PRAG1: variants seen among roughly 807,000 people sequenced by gnomAD.
The protein encoded by PRAG1 is PEAK1 related, kinase-activating pseudokinase 1.
In PRAG1, 110 loss-of-function variants were observed where a neutral mutation model predicts 95.6. The ratio of observed to expected loss-of-function variants is 1.15; its 90% CI spans 0.99 to 1.35. The LOEUF (loss-of-function observed/expected upper bound fraction) is 1.35. PRAG1 is among the 40% of genes most tolerant of loss of function. The probability of loss-of-function intolerance (pLI) is 0.00; values close to 1 mark genes in which losing one functional copy is unlikely to be tolerated. For missense variants in PRAG1, 2,554 were observed against 1,864.7 expected (o/e 1.37, Z -6.81); for synonymous variants, 1,052 against 819.4 (o/e 1.28, Z -4.85).
intron 4 of PRAG1, among the ~76,000 whole-genome samples, chr8:8,330,991 C>A (rs1798802388): frequency 6.6e-6 from 1 of 152,208 alleles, no homozygotes; most frequent in South Asian, 2.1e-4. Flanking sequence ...CACTTCCTGA[C>A]CTTTCTGCAT....
chr8:8,351,692 T>C (rs1261315519), intron 3 of PRAG1, among the ~76,000 whole-genome samples: 1 of 152,198 alleles, frequency 6.6e-6, no homozygotes, highest in Non-Finnish European at 1.5e-5. Context: ...ATTCCTCAGC[T>C]AATCAGGTTG....
Position 8,381,430 on chromosome 8 carries a change from G to A in PRAG1, c.318C>T (p.Ala106=), listed in dbSNP as rs370861925. ...SDVWTEANLS[A]EVSQVIWRRA... is the part of the protein sequence containing the mutation. The stretch of plus-strand genomic sequence containing the variant: ...TAGTCAGCCTCACCTGCGAGACTTC[G>A]GCACTCAGGTTGGCCTCTGTCCACA... The change falls in exon 2 of 6, where the codon GCC becomes GCT. Residue 106 remains alanine (A), a synonymous_variant. Transcript: ENST00000615670. 1.2e-5 allele frequency: 20 copies of A among 1,604,408 alleles called. No individual in the cohort carries two copies. Among genetic ancestry groups the A allele is most frequent in the South Asian group, 5.5e-5 (5 of 90,848 alleles).
At chr8:8,345,818 T>C (rs1047249096) in intron 3 of PRAG1, among the ~76,000 whole-genome samples, 6 of 152,002 alleles carry the variant, frequency 3.9e-5, no homozygotes, top group African/African-American at 1.4e-4. Context: ...AATAAAACCT[T>C]AGGACTGATG....
intron 3 of PRAG1, among the ~76,000 whole-genome samples, chr8:8,370,143 C>G (rs1201355408): frequency 1.3e-5 from 2 of 152,200 alleles, no homozygotes; most frequent in African/African-American, 4.8e-5. Flanking sequence ...ATACTGCTGT[C>G]AAATCAGTAA....
intron 3 of PRAG1, among the ~76,000 whole-genome samples, chr8:8,360,282 G>A (rs1311698245): frequency 1.3e-5 from 2 of 152,098 alleles, no homozygotes; most frequent in Admixed American, 6.5e-5. Flanking sequence ...TGCCCTCCCT[G>A]TCTTCCAAGC....
chr8:8,369,817 G>C (rs533378714), intron 3 of PRAG1, among the ~76,000 whole-genome samples: 1 of 151,164 alleles, frequency 6.6e-6, no homozygotes, highest in African/African-American at 2.4e-5. Flanking sequence ...GCTTACCTTT[G>C]TGTTCCCTAA....
Position 8,336,913 on chromosome 8 carries a change from C to G in PRAG1, c.2320+2565G>C, listed in dbSNP as rs866437388. ...CTCCCCTCCCCACACCCCTTTCCCC[C>G]CTCCCCCCACCTCCGACATAAAGCA... On this transcript the variant is annotated intron_variant, in intron 4 of 5. Coordinates refer to ENST00000615670, the MANE Select transcript of PRAG1 (RefSeq NM_001080826.3). 6.8e-3 allele frequency among the ~76,000 whole-genome samples: 625 copies of G among 91,684 alleles called. 39 individuals carry two copies. Among genetic ancestry groups the G allele is most frequent in the African/African-American group, 0.018 (400 of 22,198 alleles). 60.1% of individuals were successfully genotyped at this position (91,684 alleles called of 152,430 possible). A position where few individuals can be genotyped will look rare whatever the true frequency, so the allele number is the denominator to read the frequency against.
intron 1 of PRAG1, among the ~76,000 whole-genome samples, chr8:8,385,207 A>T (rs1800808711): frequency 6.6e-6 from 1 of 152,208 alleles, no homozygotes; most frequent in Non-Finnish European, 1.5e-5. Context: ...ATATGTGTGG[A>T]AAGTGTCTGA....
rs116834952 is a variant in PRAG1 at position 8,374,351 on chromosome 8, T to G, written c.2162+1896A>C. ...GCCAATACCTGTGCTTTCCACTAATTTACCCAGGACTGAGGCAGGCAGATA... is the reference window on the plus strand; with the variant it reads ...GCCAATACCTGTGCTTTCCACTAATGTACCCAGGACTGAGGCAGGCAGATA... On this transcript the variant is annotated intron_variant, in intron 3 of 5. Transcript: ENST00000615670. Among the ~76,000 whole-genome samples, 1,255 of 152,252 alleles carry G rather than the reference T, an allele frequency of 8.2e-3. 20 individuals carry two copies. Among genetic ancestry groups the G allele is most frequent in the African/African-American group, 0.029 (1,193 of 41,540 alleles).
intron 1 of PRAG1, among the ~76,000 whole-genome samples, chr8:8,383,352 C>T (rs561642467): frequency 2.6e-4 from 40 of 152,292 alleles, no homozygotes; most frequent in Non-Finnish European, 5.1e-4. Flanking sequence ...AGGACGATCG[C>T]TTGAGCCCAG....
chr8:8,377,148 T>G lies in PRAG1; in HGVS notation c.1261A>C (p.Lys421Gln). 1 of 1,612,330 alleles carries G rather than the reference T, an allele frequency of 6.2e-7. No homozygotes were observed. The highest frequency in any genetic ancestry group is 1.1e-5 in the South Asian group (1 of 91,084). Residue 421 changes from lysine to glutamine, a missense_variant, in exon 3 of 6, where the codon AAG (lysine) becomes CAG (glutamine). By Grantham distance (53) the Lys-to-Gln change is moderately conservative. Transcript: ENST00000615670. Reference sequence around the variant, plus strand: ...GACTTGGAAGGCACCGGAGCTGCCTTCTTCCTCTTGGTGCTCTCAGCATAG... The same window carrying G: ...GACTTGGAAGGCACCGGAGCTGCCTGCTTCCTCTTGGTGCTCTCAGCATAG... ...PIYAESTKRK[K>Q]AAPVPSKSQA...
At chr8:8,352,999 G>T (rs1415722063) in intron 3 of PRAG1, among the ~76,000 whole-genome samples, 1 of 152,074 alleles carries the variant, frequency 6.6e-6, no homozygotes, top group South Asian at 2.1e-4. Context: ...AATAAAGGGG[G>T]TGATTTATCA....
intron 3 of PRAG1, among the ~76,000 whole-genome samples, chr8:8,369,624 A>AC (rs1234128204): frequency 6.6e-6 from 1 of 152,182 alleles, no homozygotes. Flanking sequence ...ATTGAGCTCA[A>AC]CCTTAGGAAT....
intron 4 of PRAG1, among the ~76,000 whole-genome samples, chr8:8,335,827 C>A (rs2117136026): frequency 6.6e-6 from 1 of 152,298 alleles, no homozygotes; most frequent in South Asian, 2.1e-4. Flanking sequence ...ATGTAAGCCC[C>A]TTGAAGGGAC....
intron 4 of PRAG1, among the ~76,000 whole-genome samples, chr8:8,333,997 A>ACCC (rs1182447001): frequency 3.3e-5 from 5 of 152,146 alleles, no homozygotes; most frequent in African/African-American, 9.7e-5. Flanking sequence ...ACCCCCATTA[A>ACCC]CTATTCCTGC....
chr8:8,385,421 C>T (rs1470710771), intron 1 of PRAG1, among the ~76,000 whole-genome samples: 1 of 152,170 alleles, frequency 6.6e-6, no homozygotes, highest in East Asian at 1.9e-4. Flanking sequence ...CCACTACAGT[C>T]GAAACCAACC....
In PRAG1 at chr8:8,318,235, C is replaced by T. The variant is rs1427748620; in HGVS notation, c.4140G>A (p.Glu1380=). 3.1e-6 allele frequency: 5 copies of T among 1,614,194 alleles called. No individual in the cohort carries two copies. Among genetic ancestry groups the T allele is most frequent in the South Asian group, 1.1e-5 (1 of 91,092 alleles). ...CCAGGTACTGGCAGCAAAGCCAGTC[C>T]TCCAGCTCCACGCCCCGCCTGCGAT... ...AVDRRRGVEL[E]DWLCCQYLAS... The change falls in exon 6 of 6, where the codon GAG becomes GAA. Residue 1380 remains glutamate, a synonymous_variant. Coordinates refer to ENST00000615670, the MANE Select transcript of PRAG1 (RefSeq NM_001080826.3). The surrounding 1 kb of genome is among the most constrained non-coding windows in gnomAD (Gnocchi z 4.2).
Position 8,376,121 on chromosome 8 carries a change from T to C in PRAG1, c.2162+126A>G, listed in dbSNP as rs1333092389. ...GCACTGGGACCCTGGGAAATTTACA[T>C]AAAGGCACAAGGGCCTTTGGGCAGA... On this transcript the variant is annotated intron_variant, in intron 3 of 5. Coordinates refer to ENST00000615670, the MANE Select transcript of PRAG1 (RefSeq NM_001080826.3). 7 of 1,323,886 alleles carry C rather than the reference T, an allele frequency of 5.3e-6. No homozygotes were observed. The East Asian group carries it at 1.2e-4, about 22-fold the overall frequency. 82.0% of individuals were successfully genotyped at this position (1,323,886 alleles called of 1,614,324 possible). A position where few individuals can be genotyped will look rare whatever the true frequency, so the allele number is the denominator to read the frequency against.
rs373838177 is a variant in PRAG1, at chr8:8,322,272, C to T, written c.3073-2970G>A. On this transcript the variant is annotated intron_variant, in intron 5 of 5. Transcript: ENST00000615670. ...CTCGGCTCACTGCAATGTCTGCCTC[C>T]CGGGTTCAAGCGATTCTTCTGCCTC... Among the ~76,000 whole-genome samples, 19 of 152,170 alleles carry T rather than the reference C, an allele frequency of 1.2e-4. No individual in the cohort carries two copies. In the East Asian group the frequency reaches 3.7e-3, roughly 29 times the overall value.
Sources: allele counts gnomAD v4.1 joint callset (sites outside exome capture counted in the v4.1 genomes callset), GRCh38; gene constraint gnomAD v4.1.1; non-coding constraint Gnocchi (gnomAD v3.1); transcripts MANE v1.5; gene names NCBI Gene and HGNC (gene_info 2026-07-23, HGNC 2026-07-21).